The following FUS variants were observed in gnomAD, a reference collection of about 807,000 sequenced individuals.
FUS encodes RNA-binding protein FUS.
FUS carries 5 observed loss-of-function variants against 82.7 expected under a neutral mutation model. That is an observed-to-expected ratio of 0.06 (90% CI 0.03 to 0.13). The LOEUF is 0.13. FUS is among the 10% of genes least tolerant of loss of function. FUS has a pLI of 1.00. For synonymous variants in FUS, 281 were observed against 247.4 expected (o/e 1.14, Z -1.27); for missense variants, 512 against 707.8 (o/e 0.72, Z 3.14).
Position 31,190,846 on chromosome 16 carries a change from A to G in FUS, c.1393+4A>G. 1 of 1,614,038 alleles carries G rather than the reference A, an allele frequency of 6.2e-7. No individual in the cohort carries two copies. The highest frequency in any genetic ancestry group is 8.5e-7 in the Non-Finnish European group (1 of 1,179,870). On this transcript the variant is annotated splice_donor_region_variant and intron_variant, in intron 13 of 14. Transcript: ENST00000254108. ...GGACCAGGTGGCTCTCACATGGGTA[A>G]GAAAGGCAGACCTGGTGCTAGGGAG...
chr16:31,191,028 C>T lies in FUS; in HGVS notation c.1459C>T (p.Arg487Cys), dbSNP rs1368972815. The T allele has an allele frequency of 5.0e-6, 8 of 1,613,274 alleles. No individual in the cohort carries two copies. Among genetic ancestry groups the T allele is most frequent in the Admixed American group, 1.7e-5 (1 of 59,940 alleles). The change falls in exon 14 of 15, where the codon CGC becomes TGC. Residue 487 changes from arginine to cysteine, a missense_variant. Arg to Cys is a radical substitution (Grantham distance 180). Transcript: ENST00000254108. The part of the protein sequence containing the change: ...GGYDRGGYRG[R>C]GGDRGGFRGG... Reference sequence around the variant, plus strand: ...CTATGATCGAGGCGGCTACCGGGGCCGCGGCGGGGACCGTGGAGGCTTCCG... The same window carrying T: ...CTATGATCGAGGCGGCTACCGGGGCTGCGGCGGGGACCGTGGAGGCTTCCG...
chr16:31,194,635 A>G (rs1567483845), downstream of FUS: 1 of 489,994 alleles, frequency 2.0e-6, no homozygotes, highest in South Asian at 1.5e-5. Context: ...TAACTTGTAT[A>G]TATTTATGGG....
At chr16:31,185,687 C>T (rs988729981) in intron 6 of FUS, 14 of 430,100 alleles carry the variant, frequency 3.3e-5, no homozygotes, top group Admixed American at 1.1e-4. Context: ...CTAATTTGAC[C>T]GACATTGATT....
At chr16:31,184,150 GAA>G in intron 4 of FUS, 57 bp from the exon 5 acceptor site, 3 of 1,614,008 alleles carry the variant, frequency 1.9e-6, no homozygotes, top group Non-Finnish European at 2.5e-6. Flanking sequence ...CACTAAAAGT[GAA>G]AGGAAATTGG....
chr16:31,189,061 G>GT (rs1346976353), intron 8 of FUS, 62 bp from the exon 9 acceptor site: 6 of 1,317,022 alleles, frequency 4.6e-6, no homozygotes, highest in Non-Finnish European at 6.6e-6. Flanking sequence ...GGTGCTTTAG[G>GT]TTTTTTCCTG....
intron 7 of FUS, chr16:31,187,539 G>T (rs1323614522): frequency 4.4e-6 from 1 of 229,548 alleles, no homozygotes; most frequent in East Asian, 6.2e-5. Flanking sequence ...ACAAATTTGA[G>T]AAGTCTCCCA....
Position 31,188,366 on chromosome 16 carries a change from A to T in FUS, c.832+9A>T. The T allele has an allele frequency of 6.2e-7, 1 of 1,613,164 alleles. No homozygotes were observed. Among genetic ancestry groups the T allele is most frequent in the Non-Finnish European group, 8.5e-7 (1 of 1,179,746 alleles). On this transcript the variant is annotated intron_variant, in intron 8 of 14. Coordinates refer to ENST00000254108, the MANE Select transcript of FUS (RefSeq NM_004960.4). ...ATCACGTCATGACTCCGGTGAGTTC[A>T]CACGTGGTGGCATGAAAAGAGTGGC...
chr16:31,180,550 C>T (rs1279447274), intron 1 of FUS, among the ~76,000 whole-genome samples: 1 of 152,230 alleles, frequency 6.6e-6, no homozygotes, highest in African/African-American at 2.4e-5. Flanking sequence ...CCTCCCCCAA[C>T]TCCCGGCCCC....
chr16:31,190,506 CTGTT>C, intron 12 of FUS, 108 bp downstream of exon 12: 1 of 1,533,764 alleles, frequency 6.5e-7, no homozygotes. Context: ...CAAGGCCACA[CTGTT>C]GGGGTCAGAT....
Position 31,180,237 on chromosome 16 carries a change from G to T in FUS, c.13+10G>T. 1 of 1,609,714 alleles carries T rather than the reference G, an allele frequency of 6.2e-7. No individual in the cohort carries two copies. Among genetic ancestry groups the T allele is most frequent in the Non-Finnish European group, 8.5e-7 (1 of 1,178,154 alleles). ...GACATGGCCTCAAACGGTAGGTAAG[G>T]GCGCGAGGCGACGGCGGCGGCGCAC... On this transcript the variant is annotated intron_variant, in intron 1 of 14. Coordinates refer to ENST00000254108, the MANE Select transcript of FUS (RefSeq NM_004960.4).
intron 6 of FUS, chr16:31,185,509 G>T: frequency 1.7e-6 from 1 of 588,752 alleles, no homozygotes; most frequent in Non-Finnish European, 3.2e-6. Flanking sequence ...TTCTTTCTCT[G>T]CAAGGGAAAC....
rs1345968831 is a variant in FUS at position 31,190,023 on chromosome 16, A to AT, written c.1067-11dup. On this transcript the variant is annotated splice_polypyrimidine_tract_variant and intron_variant, in intron 10 of 14. Coordinates refer to ENST00000254108, the MANE Select transcript of FUS (RefSeq NM_004960.4). ...GTCTTGCATTTAAAGTCTGTTGATG[A>AT]TTTTTTGTTTCTCTAGGTAAAGAAT... is the stretch of plus-strand genomic sequence containing the variant. The AT allele has an allele frequency of 1.0e-5, 16 of 1,602,510 alleles. No individual in the cohort carries two copies. Among genetic ancestry groups the AT allele is most frequent in the Middle Eastern group, 1.7e-4 (1 of 5,980 alleles).
In FUS at chr16:31,185,062, G is replaced by T; in HGVS notation, c.647G>T (p.Arg216Leu). Reference sequence around the variant, plus strand: ...TATGGACAGCAGGACCGTGGAGGCCGCGGCAGGGGTGGCAGTGGTGGCGGC... The same window carrying T: ...TATGGACAGCAGGACCGTGGAGGCCTCGGCAGGGGTGGCAGTGGTGGCGGC... ...GGYGQQDRGG[R>L]GRGGSGGGGG... Residue 216 changes from arginine (R) to leucine (L), a missense_variant, in exon 6 of 15, where the codon CGC (arginine) becomes CTC (leucine). By Grantham distance (102) the Arg-to-Leu change is moderately radical. Coordinates refer to ENST00000254108, the MANE Select transcript of FUS (RefSeq NM_004960.4). The T allele has an allele frequency of 1.2e-6, 2 of 1,611,378 alleles. No individual in the cohort carries two copies. Among genetic ancestry groups the T allele is most frequent in the Non-Finnish European group, 1.7e-6 (2 of 1,178,728 alleles).
At chr16:31,194,608 A>G (rs532559110), downstream of FUS, 9 of 494,100 alleles carry the variant, frequency 1.8e-5, no homozygotes, top group East Asian at 1.4e-4. Context: ...TCCGGCTATG[A>G]AAATTTTATT....
Position 31,190,301 on chromosome 16 carries a change from G to T in FUS, c.1195G>T (p.Gly399Cys), listed in dbSNP as rs41292386. ...ACCCATGGGCCGTGGAGGCTATGGA[G>T]GTGGTGGCAGTGGTGGTGGTGGCCG... ...GGPMGRGGYG[G>C]GGSGGGGRGG... is the part of the protein sequence containing the mutation. The change falls in exon 12 of 15, where the codon GGT (glycine) becomes TGT (cysteine). Residue 399 changes from glycine to cysteine, a missense_variant. This residue lies in a region of FUS where 63 missense variants were observed against 83.0 expected (regional missense o/e 0.76). Transcript: ENST00000254108. The T allele has an allele frequency of 1.1e-5, 17 of 1,614,200 alleles. No homozygotes were observed. Among genetic ancestry groups the T allele is most frequent in the Non-Finnish European group, 1.4e-5 (17 of 1,180,034 alleles).
chr16:31,183,843 T>G lies in FUS; in HGVS notation c.191-15T>G. 6.2e-7 allele frequency: 1 copy of G among 1,614,244 alleles called. No homozygotes were observed. The highest frequency in any genetic ancestry group is 1.1e-5 in the South Asian group (1 of 91,084). ...CCTGGTGGCTTTTGTGACTCCCTTT[T>G]TCTTATCCTGGTAGCAGGCTATGGA... On this transcript the variant is annotated splice_polypyrimidine_tract_variant and intron_variant, in intron 3 of 14. Coordinates refer to ENST00000254108, the MANE Select transcript of FUS (RefSeq NM_004960.4).
intron 6 of FUS, chr16:31,185,480 G>T (rs1567472979): frequency 1.6e-6 from 1 of 626,242 alleles, no homozygotes; most frequent in South Asian, 1.5e-5. Context: ...TCCTAGGCAA[G>T]AAACATGGAA....
intron 6 of FUS, chr16:31,186,441 G>A: frequency 2.4e-6 from 1 of 415,894 alleles, no homozygotes; most frequent in East Asian, 4.1e-5. Context: ...TGGGTAAATT[G>A]GGGTAGGGTT....
intron 4 of FUS, 44 bp from the exon 5 acceptor site, chr16:31,184,165 G>A (rs529671420): frequency 1.2e-6 from 2 of 1,614,104 alleles, no homozygotes; most frequent in African/African-American, 1.3e-5. Flanking sequence ...GAAATTGGGG[G>A]CTATGCTGGG....
Sources: gnomAD v4.1 joint callset for allele counts (sites outside exome capture counted in the v4.1 genomes callset) on GRCh38, gnomAD v4.1.1 for gene constraint, gnomAD v4.1.1 regional missense constraint, MANE v1.5 for transcripts, NCBI Gene and HGNC (gene_info 2026-07-23, HGNC 2026-07-21) for gene names.